The following UNC5C variants were observed in gnomAD, a reference collection of about 807,000 sequenced individuals.
The protein encoded by UNC5C is unc-5 netrin receptor C.
A neutral mutation model predicts 99.8 loss-of-function variants in UNC5C; 47 were observed. The ratio of observed to expected loss-of-function variants is 0.47; its 90% confidence interval spans 0.37 to 0.60. UNC5C has a LOEUF of 0.60. Among genes scored for constraint, UNC5C ranks in the 20% least tolerant of loss-of-function variants. UNC5C has a pLI of 0.00. For missense variants in UNC5C, 1,062 were observed against 1,165.9 expected (o/e 0.91, Z 1.30); for synonymous variants, 487 against 452.2 (o/e 1.08, Z -0.98).
intron 4 of UNC5C, among the ~76,000 whole-genome samples, chr4:95,262,243 AC>A: frequency 6.6e-6 from 1 of 152,290 alleles, no homozygotes; most frequent in Non-Finnish European, 1.5e-5. Flanking sequence ...TTTCATCAAA[AC>A]TGAAGGAGGG....
chr4:95,226,461 C>T (rs886325417), intron 7 of UNC5C, among the ~76,000 whole-genome samples: 2 of 152,180 alleles, frequency 1.3e-5, no homozygotes, highest in Non-Finnish European at 2.9e-5. Flanking sequence ...AATTATGATG[C>T]ACGTTACTAA....
chr4:95,519,320 A>G (rs1193585688), intron 1 of UNC5C, among the ~76,000 whole-genome samples: 19 of 152,058 alleles, frequency 1.2e-4, no homozygotes. Context: ...ATCCATCTGG[A>G]GGGGAAACCA....
intron 1 of UNC5C, among the ~76,000 whole-genome samples, chr4:95,488,224 GAAT>G (rs1160162130): frequency 6.6e-6 from 1 of 151,552 alleles, no homozygotes; most frequent in Non-Finnish European, 1.5e-5. Flanking sequence ...TAAATTCTTT[GAAT>G]ATAAGTAGAT....
chr4:95,496,330 T>C (rs955501076), intron 1 of UNC5C, among the ~76,000 whole-genome samples: 5 of 151,860 alleles, frequency 3.3e-5, no homozygotes, highest in Non-Finnish European at 5.9e-5. Context: ...AAGAAGACTA[T>C]ATTAGTATCT....
At chr4:95,390,391 CA>C (rs35804362) in intron 1 of UNC5C, among the ~76,000 whole-genome samples, 12 of 147,264 alleles carry the variant, frequency 8.1e-5, no homozygotes, top group Non-Finnish European at 1.1e-4. Flanking sequence ...TCCACATTTC[CA>C]AAAAAAAAAA....
rs536039867 is a variant in UNC5C, at chr4:95,424,518, CTTTTTTTT to C, written c.125-88895_125-88888del. ...GGCTTCAGAATTTTTTTTTTCTTTT[CTTTTTTTT>C]TTTTTTTTTTTTTGAGACAGCTTCT... On this transcript the variant is annotated intron_variant, in intron 1 of 15. Transcript: ENST00000453304. Among the ~76,000 whole-genome samples the C allele has an allele frequency of 6.5e-3, 442 of 67,970 alleles. 7 individuals carry two copies. The highest frequency in any genetic ancestry group is 0.025 in the African/African-American group (426 of 16,838). 44.6% of individuals were successfully genotyped at this position (67,970 alleles called of 152,430 possible).
intron 4 of UNC5C, among the ~76,000 whole-genome samples, chr4:95,251,286 T>C (rs543202762): frequency 6.6e-6 from 1 of 151,750 alleles, no homozygotes; most frequent in South Asian, 2.1e-4. Flanking sequence ...CTAAGCCAAA[T>C]TTTTTTTTAA....
chr4:95,536,916 C>G (rs1722795854), intron 1 of UNC5C, among the ~76,000 whole-genome samples: 2 of 152,096 alleles, frequency 1.3e-5, no homozygotes, highest in African/African-American at 4.8e-5. Context: ...CCAAATCACT[C>G]AAAATAAGCT....
At position 95,283,651 on chromosome 4, in the gene UNC5C, G is replaced by C. The variant is rs143658721; in HGVS notation, c.491-5289C>G. On this transcript the variant is annotated intron_variant, in intron 3 of 15. Transcript: ENST00000453304. The stretch of plus-strand genomic sequence containing the variant: ...TGACGAATGAATAAGAATGAAAAAC[G>C]AACACTTGTCAGCTGGGAATTAGAT... Among the ~76,000 whole-genome samples the C allele has an allele frequency of 3.5e-3, 532 of 152,310 alleles. 2 individuals carry two copies. The highest frequency in any genetic ancestry group is 6.8e-3 in the South Asian group (33 of 4,828).
intron 1 of UNC5C, among the ~76,000 whole-genome samples, chr4:95,510,605 G>T (rs72876477): frequency 0.091 from 13,792 of 151,938 alleles, 1,379 homozygotes; most frequent in African/African-American, 0.25. Context: ...ATGTTATTTA[G>T]TCCTTCAGAA....
chr4:95,216,251 G>A (rs777526150), intron 9 of UNC5C, 40 bp from the exon 10 acceptor site: 1 of 1,530,810 alleles, frequency 6.5e-7, no homozygotes, highest in East Asian at 2.3e-5. Context: ...TAAGACTTTT[G>A]CAGCACGTAA....
chr4:95,232,390 A>G (rs924675187), intron 7 of UNC5C, among the ~76,000 whole-genome samples: 5 of 152,152 alleles, frequency 3.3e-5, no homozygotes, highest in South Asian at 4.1e-4. Flanking sequence ...GAACCCCTCC[A>G]TGGTAGTAAA....
intron 2 of UNC5C, among the ~76,000 whole-genome samples, chr4:95,305,672 C>T (rs1018678713): frequency 6.6e-6 from 1 of 152,138 alleles, no homozygotes; most frequent in Non-Finnish European, 1.5e-5. Flanking sequence ...CTCAAGGATG[C>T]ATGCTGTTTG....
intron 12 of UNC5C, 71 bp from the exon 13 acceptor site, chr4:95,185,267 T>C (rs985608253): frequency 2.0e-6 from 3 of 1,511,520 alleles, no homozygotes; most frequent in East Asian, 2.3e-5. Context: ...TCTCATTGAA[T>C]AAGTTTCTTT....
intron 14 of UNC5C, among the ~76,000 whole-genome samples, chr4:95,175,258 T>G (rs1422720790): frequency 4.5e-4 from 68 of 151,062 alleles, no homozygotes; most frequent in Non-Finnish European, 6.7e-4. Flanking sequence ...AAGTTAATAT[T>G]GTTATGTGTG....
At chr4:95,237,061 G>A (rs1408979510) in intron 7 of UNC5C, among the ~76,000 whole-genome samples, 1 of 152,036 alleles carries the variant, frequency 6.6e-6, no homozygotes, top group African/African-American at 2.4e-5. Context: ...CCATCTCTAG[G>A]TTGGTTATAA....
At chr4:95,355,560 C>T (rs184065190) in intron 1 of UNC5C, among the ~76,000 whole-genome samples, 389 of 152,168 alleles carry the variant, frequency 2.6e-3, no homozygotes, top group Non-Finnish European at 3.4e-3. Context: ...CATCATTGCA[C>T]CGTTGTGCCT....
At chr4:95,341,381 A>G (rs946647797) in intron 1 of UNC5C, among the ~76,000 whole-genome samples, 2 of 152,048 alleles carry the variant, frequency 1.3e-5, no homozygotes, top group South Asian at 2.1e-4. Context: ...ATTTGTACGT[A>G]TTGACCTAGA....
At chr4:95,290,221 G>T (rs974843598) in intron 3 of UNC5C, among the ~76,000 whole-genome samples, 10 of 151,970 alleles carry the variant, frequency 6.6e-5, no homozygotes, top group African/African-American at 2.2e-4. Context: ...TGGGAGGATC[G>T]CTTGAGCCCA....
Sources: gnomAD v4.1 joint callset for allele counts (sites outside exome capture counted in the v4.1 genomes callset) on GRCh38, gnomAD v4.1.1 for gene constraint, MANE v1.5 for transcripts, NCBI Gene and HGNC (gene_info 2026-07-23, HGNC 2026-07-21) for gene names.